Variants in RBFOX1 observed in about 807,000 individuals in gnomAD.
RBFOX1 encodes RNA binding fox-1 homolog 1.
Under a neutral mutation model 57.7 loss-of-function variants are expected in RBFOX1, and 8 were observed. The ratio of observed to expected loss-of-function variants is 0.14; its 90% confidence interval spans 0.08 to 0.25. The LOEUF is 0.25. Among genes scored for constraint, RBFOX1 ranks in the 10% least tolerant of loss-of-function variants. The probability of loss-of-function intolerance (pLI) is 1.00; values close to 1 mark genes in which losing one functional copy is unlikely to be tolerated. For synonymous variants in RBFOX1, 326 were observed against 222.4 expected (o/e 1.47, Z -4.15); for missense variants, 611 against 548.5 (o/e 1.11, Z -1.14).
intron 2 of RBFOX1, among the ~76,000 whole-genome samples, chr16:6,597,307 G>T (rs1465379520): frequency 6.6e-6 from 1 of 152,054 alleles, no homozygotes; most frequent in Non-Finnish European, 1.5e-5. Flanking sequence ...AGCCATCTGA[G>T]TCCCCTTTTC....
At chr16:6,394,181 G>A (rs529603747) in intron 2 of RBFOX1, among the ~76,000 whole-genome samples, 2 of 152,186 alleles carry the variant, frequency 1.3e-5, no homozygotes, top group South Asian at 2.1e-4. Context: ...AGTTCAAATC[G>A]GGCTCAGAAG....
chr16:7,693,414 TC>T (rs756059097), intron 14 of RBFOX1: 138 of 1,192,486 alleles, frequency 1.2e-4, no homozygotes, highest in Middle Eastern at 2.0e-4. Context: ...AGTCTCAGTA[TC>T]CTTTTTTTTT....
At chr16:5,565,889 C>T (rs1433810750) in intron 2 of RBFOX1, among the ~76,000 whole-genome samples, 2 of 151,892 alleles carry the variant, frequency 1.3e-5, no homozygotes, top group Non-Finnish European at 2.9e-5. Flanking sequence ...AATTGTAGCT[C>T]CCATAATTCC....
chr16:7,446,140 C>A (rs150747451), intron 4 of RBFOX1, among the ~76,000 whole-genome samples: 1 of 152,112 alleles, frequency 6.6e-6, no homozygotes, highest in African/African-American at 2.4e-5. Context: ...CTAATTAACA[C>A]CAGAGAAGGA....
At chr16:6,262,888 A>T (rs2097709660) in intron 1 of RBFOX1, among the ~76,000 whole-genome samples, 1 of 152,176 alleles carries the variant, frequency 6.6e-6, no homozygotes, top group Admixed American at 6.5e-5. Flanking sequence ...AGATCAAGGT[A>T]AGTACCATCA....
At chr16:7,621,850 C>T (rs1208861307) in intron 10 of RBFOX1, among the ~76,000 whole-genome samples, 4 of 152,134 alleles carry the variant, frequency 2.6e-5, no homozygotes, top group Admixed American at 2.6e-4. Context: ...ACACTTTAGC[C>T]TCTGCAGGCC....
intron 10 of RBFOX1, among the ~76,000 whole-genome samples, chr16:7,620,482 A>G (rs1487970788): frequency 2.0e-5 from 3 of 152,162 alleles, no homozygotes; most frequent in African/African-American, 7.2e-5. Context: ...TCTTATTTCA[A>G]TCTTGCAAGT....
intron 3 of RBFOX1, among the ~76,000 whole-genome samples, chr16:6,927,439 A>AAAAAAAAAC (rs869233820): frequency 4.7e-5 from 7 of 149,654 alleles, no homozygotes; most frequent in South Asian, 2.1e-4. Context: ...AAAAAAAAAA[A>AAAAAAAAAC]TCCGAACGTC....
intron 5 of RBFOX1, among the ~76,000 whole-genome samples, chr16:7,567,161 A>G (rs947843456): frequency 6.8e-5 from 10 of 146,680 alleles, no homozygotes; most frequent in African/African-American, 2.5e-4. Flanking sequence ...CTATATATAT[A>G]TCCATATATA....
At chr16:5,903,353 G>C (rs8049302) in intron 4 of RBFOX1, among the ~76,000 whole-genome samples, 91,429 of 151,888 alleles carry the variant, frequency 0.6, 27,685 homozygotes, top group Middle Eastern at 0.75. Flanking sequence ...GAAGTCATGC[G>C]TGACTATGCC....
chr16:6,673,840 T>G (rs1050697686), intron 3 of RBFOX1, among the ~76,000 whole-genome samples: 1 of 152,078 alleles, frequency 6.6e-6, no homozygotes, highest in Non-Finnish European at 1.5e-5. Flanking sequence ...AAGACAGTGC[T>G]AGAGAGAAAA....
chr16:5,314,139 C>T (rs1055652464), intron 1 of RBFOX1, among the ~76,000 whole-genome samples: 12 of 152,242 alleles, frequency 7.9e-5, no homozygotes, highest in Admixed American at 5.2e-4. Flanking sequence ...GCTGTATTAT[C>T]TATCCCCACT....
intron 1 of RBFOX1, among the ~76,000 whole-genome samples, chr16:6,184,027 G>T (rs1322849561): frequency 6.6e-6 from 1 of 152,170 alleles, no homozygotes; most frequent in African/African-American, 2.4e-5. Context: ...CCGCACAATC[G>T]TGCCAGAAGG....
intron 3 of RBFOX1, among the ~76,000 whole-genome samples, chr16:7,036,202 A>C (rs1186911233): frequency 6.9e-6 from 1 of 145,818 alleles, no homozygotes; most frequent in African/African-American, 2.5e-5. Context: ...TCACCTTGAC[A>C]TTTTTTTTTT....
At chr16:5,371,027 A>G (rs2065844522) in intron 1 of RBFOX1, among the ~76,000 whole-genome samples, 1 of 152,206 alleles carries the variant, frequency 6.6e-6, no homozygotes, top group South Asian at 2.1e-4. Flanking sequence ...GGCTCACTGC[A>G]ACCTCTGCCT....
chr16:6,959,547 C>G (rs1331972853), intron 3 of RBFOX1, among the ~76,000 whole-genome samples: 2 of 152,056 alleles, frequency 1.3e-5, no homozygotes, highest in Non-Finnish European at 1.5e-5. Context: ...GGACCCAGGT[C>G]TCAGTGAGTC....
chr16:6,711,135 T>C (rs753475447), intron 3 of RBFOX1, among the ~76,000 whole-genome samples: 3 of 152,154 alleles, frequency 2.0e-5, no homozygotes, highest in Non-Finnish European at 4.4e-5. Flanking sequence ...CTGCAGGAAA[T>C]CATGTTGGCT....
intron 3 of RBFOX1, among the ~76,000 whole-genome samples, chr16:6,856,322 T>C (rs769239441): frequency 1.3e-5 from 2 of 152,128 alleles, no homozygotes; most frequent in Non-Finnish European, 2.9e-5. Flanking sequence ...CCAATTCATA[T>C]TGTTTTGAAG....
chr16:7,645,075 C>G (rs1158355762), intron 11 of RBFOX1, among the ~76,000 whole-genome samples: 2 of 152,152 alleles, frequency 1.3e-5, no homozygotes, highest in Admixed American at 1.3e-4. Flanking sequence ...GACAATCAGG[C>G]CAGCACGTTG....
Sources: gnomAD v4.1 joint callset for allele counts (sites outside exome capture counted in the v4.1 genomes callset) on GRCh38, gnomAD v4.1.1 for gene constraint, MANE v1.5 for transcripts, NCBI Gene and HGNC (gene_info 2026-07-23, HGNC 2026-07-21) for gene names.